XYLT1: variants seen among roughly 807,000 people sequenced by gnomAD.
XYLT1 encodes the protein xylosyltransferase 1, also known as beta-D-xylosyltransferase 1.
Under a neutral mutation model 91.3 loss-of-function variants are expected in XYLT1, and 36 were observed. The observed-to-expected ratio is 0.39, with a 90% confidence interval of 0.30 to 0.52. XYLT1 has a LOEUF of 0.52. Among genes scored for constraint, XYLT1 ranks in the 20% least tolerant of loss-of-function variants. The pLI is 0.68. For synonymous variants in XYLT1, 588 were observed against 532.0 expected (o/e 1.11, Z -1.45); for missense variants, 1,242 against 1,284.5 (o/e 0.97, Z 0.51).
In XYLT1 at chr16:17,384,601, C is replaced by T. The variant is rs1018335980; in HGVS notation, c.364-26551G>A. Among the ~76,000 whole-genome samples the T allele has an allele frequency of 5.9e-5, 9 of 152,004 alleles. No homozygotes were observed. The East Asian group carries it at 6.0e-4, about 10-fold the overall frequency. The stretch of plus-strand genomic sequence containing the variant: ...TTGAATTGACTGAATCTGAGAGGCA[C>T]TGTCTACTTCAGATGTGGTGTGGGA... On this transcript the variant is annotated intron_variant, in intron 1 of 11. Coordinates refer to ENST00000261381, the MANE Select transcript of XYLT1 (RefSeq NM_022166.4).
chr16:17,461,555 G>A (rs1035738589), intron 1 of XYLT1, among the ~76,000 whole-genome samples: 3 of 152,208 alleles, frequency 2.0e-5, no homozygotes, highest in African/African-American at 7.2e-5. Flanking sequence ...ATGGGTAAAT[G>A]GATGGACAGA....
chr16:17,138,803 T>TTATG (rs1491543106), intron 7 of XYLT1: 1 of 352,290 alleles, frequency 2.8e-6, no homozygotes. Flanking sequence ...CAAGGGACTC[T>TTATG]TATGTTCTCT....
At chr16:17,192,506 C>T (rs542120948) in intron 5 of XYLT1, among the ~76,000 whole-genome samples, 30 of 152,188 alleles carry the variant, frequency 2.0e-4, no homozygotes, top group East Asian at 3.9e-4. Context: ...TTCCTTGCCT[C>T]GGTAAATAGA....
chr16:17,175,717 A>T (rs2031928605), intron 5 of XYLT1, among the ~76,000 whole-genome samples: 1 of 152,194 alleles, frequency 6.6e-6, no homozygotes, highest in Non-Finnish European at 1.5e-5. Context: ...GGCTGCATGG[A>T]AGCCAGCATA....
At chr16:17,332,583 C>T (rs894768592) in intron 2 of XYLT1, among the ~76,000 whole-genome samples, 13 of 150,634 alleles carry the variant, frequency 8.6e-5, no homozygotes, top group Admixed American at 2.6e-4. Flanking sequence ...CACACACACA[C>T]ACACACACAC....
chr16:17,208,448 G>T (rs1232039073), intron 3 of XYLT1, among the ~76,000 whole-genome samples: 1 of 152,106 alleles, frequency 6.6e-6, no homozygotes, highest in African/African-American at 2.4e-5. Context: ...AGATTTTGAA[G>T]TATCTGTGTA....
At chr16:17,159,747 C>T (rs1271450275) in intron 5 of XYLT1, among the ~76,000 whole-genome samples, 2 of 152,204 alleles carry the variant, frequency 1.3e-5, no homozygotes, top group African/African-American at 4.8e-5. Flanking sequence ...GCATTGTTAT[C>T]CCAAATTTAT....
chr16:17,414,144 T>A (rs549856696), intron 1 of XYLT1, among the ~76,000 whole-genome samples: 2 of 152,336 alleles, frequency 1.3e-5, no homozygotes, highest in East Asian at 3.9e-4. Flanking sequence ...CCTGCAAGCA[T>A]GCTGTGCCTC....
chr16:17,140,034 C>T (rs375655358), intron 7 of XYLT1, among the ~76,000 whole-genome samples: 37 of 152,206 alleles, frequency 2.4e-4, no homozygotes, highest in African/African-American at 8.4e-4. Flanking sequence ...TCAATAGAAA[C>T]GGAACCAGCT....
In XYLT1 at chr16:17,105,831, C is replaced by A. The variant is rs1052513532; in HGVS notation, c.*2864G>T. On this transcript the variant is annotated 3_prime_UTR_variant, in exon 12 of 12. Coordinates refer to ENST00000261381, the MANE Select transcript of XYLT1 (RefSeq NM_022166.4). ...AATGGCCTCCAACAAATAAATAAATCATTCTCAGGCAGGTTAAAAAAATTA... is the reference window on the plus strand; with the variant it reads ...AATGGCCTCCAACAAATAAATAAATAATTCTCAGGCAGGTTAAAAAAATTA... 6.6e-6 allele frequency: 1 copy of A among 152,074 alleles called. No homozygotes were observed. The highest frequency in any genetic ancestry group is 2.4e-5 in the African/African-American group (1 of 41,386). 9.4% of individuals were successfully genotyped at this position (152,074 alleles called of 1,614,324 possible). A position where few individuals can be genotyped will look rare whatever the true frequency, so the allele number is the denominator to read the frequency against.
intron 2 of XYLT1, among the ~76,000 whole-genome samples, chr16:17,329,188 C>G (rs1238179309): frequency 6.6e-6 from 1 of 152,176 alleles, no homozygotes; most frequent in South Asian, 2.1e-4. Flanking sequence ...ACTCCACTTA[C>G]AAAAACAGAT....
chr16:17,366,025 C>A (rs1474407599), intron 1 of XYLT1, among the ~76,000 whole-genome samples: 3 of 150,720 alleles, frequency 2.0e-5, no homozygotes, highest in African/African-American at 7.3e-5. Flanking sequence ...ACAAGAATGC[C>A]CAACTGGTGG....
At chr16:17,358,215 C>T (rs2035330525) in intron 1 of XYLT1, among the ~76,000 whole-genome samples, 165 bp from the exon 2 acceptor site, 1 of 151,632 alleles carries the variant, frequency 6.6e-6, no homozygotes, top group Admixed American at 6.6e-5. Flanking sequence ...CTCACTGCAG[C>T]CTCGACCTCC....
At chr16:17,155,926 A>T (rs1411570557) in intron 6 of XYLT1, among the ~76,000 whole-genome samples, 7 of 152,176 alleles carry the variant, frequency 4.6e-5, no homozygotes, top group Non-Finnish European at 1.0e-4. Context: ...ATTCAGGCCC[A>T]TTCTCCATCT....
intron 1 of XYLT1, among the ~76,000 whole-genome samples, chr16:17,388,445 T>C (rs986114202): frequency 6.6e-6 from 1 of 152,068 alleles, no homozygotes; most frequent in African/African-American, 2.4e-5. Flanking sequence ...CAGGAACTAG[T>C]TAAGGGAACA....
intron 6 of XYLT1, among the ~76,000 whole-genome samples, chr16:17,145,080 T>G (rs1283984694): frequency 6.6e-6 from 1 of 152,186 alleles, no homozygotes; most frequent in Non-Finnish European, 1.5e-5. Context: ...CCTCTATGGA[T>G]TTACCAATTC....
rs1264868549 is a variant in XYLT1 at position 17,200,507 on chromosome 16, T to TG, written c.1060dup (p.His354ProfsTer12). ...CTTGTCCACGTGGATGTAGTAGAAG[T>TG]GGTCTTTGTGGTAGATGGCCTTGAA... On this transcript the variant is annotated frameshift_variant, in exon 4 of 12. Coordinates refer to ENST00000261381, the MANE Select transcript of XYLT1 (RefSeq NM_022166.4). LOFTEE classifies it high-confidence loss of function. 6.2e-7 allele frequency: 1 copy of TG among 1,613,922 alleles called. No homozygotes were observed. Among genetic ancestry groups the TG allele is most frequent in the East Asian group, 2.2e-5 (1 of 44,848 alleles).
intron 3 of XYLT1, among the ~76,000 whole-genome samples, chr16:17,241,908 G>A: frequency 6.6e-6 from 1 of 152,160 alleles, no homozygotes; most frequent in South Asian, 2.1e-4. Context: ...AGAAAAAGAG[G>A]TTTAATGGAC....
chr16:17,344,710 C>G (rs2035119327), intron 2 of XYLT1, among the ~76,000 whole-genome samples: 1 of 143,480 alleles, frequency 7.0e-6, no homozygotes, highest in South Asian at 2.2e-4. Flanking sequence ...TCTAAGGATT[C>G]TTTTTTTTTT....
Sources: gnomAD v4.1 joint callset for allele counts (sites outside exome capture counted in the v4.1 genomes callset) on GRCh38, gnomAD v4.1.1 for gene constraint, MANE v1.5 for transcripts, NCBI Gene and HGNC (gene_info 2026-07-23, HGNC 2026-07-21) for gene names.